Variants in RPP38 observed in about 807,000 individuals in gnomAD.
RPP38 encodes ribonuclease P protein subunit p38.
Under a neutral mutation model 1.7 loss-of-function variants are expected in RPP38, and 2 were observed. The observed-to-expected ratio is 1.18, with a 90% CI of 0.48 to 3.70. The LOEUF is 3.70. Among genes scored for constraint, RPP38 ranks in the 30% most tolerant of loss-of-function variants. The probability of loss-of-function intolerance (pLI) is 0.07; values close to 1 mark genes in which losing one functional copy is unlikely to be tolerated. For missense variants in RPP38, 358 were observed against 340.1 expected (o/e 1.05, Z -0.41); for synonymous variants, 151 against 131.8 (o/e 1.15, Z -1.00).
At chr10:15,099,610 C>G (rs916811285) in intron 1 of RPP38, among the ~76,000 whole-genome samples, 5 of 151,718 alleles carry the variant, frequency 3.3e-5, no homozygotes, top group Non-Finnish European at 7.4e-5. Flanking sequence ...ACCTAAGTAG[C>G]TGGGATTACA....
intron 1 of RPP38, among the ~76,000 whole-genome samples, chr10:15,098,717 C>T (rs1845024043): frequency 6.6e-6 from 1 of 151,004 alleles, no homozygotes; most frequent in Admixed American, 6.6e-5. Flanking sequence ...GAAACCCCGT[C>T]TCTACTAAAA....
Position 15,103,324 on chromosome 10 carries a change from G to A in RPP38, c.10G>A (p.Ala4Thr). 6.4e-7 allele frequency: 1 copy of A among 1,567,664 alleles called. No individual in the cohort carries two copies. The highest frequency in any genetic ancestry group is 8.6e-7 in the Non-Finnish European group (1 of 1,160,750). MAA[A>T]PQAPGRGSLR... ...TGGAAGGATTTTCAAAATGGCTGCAGCTCCTCAAGCACCGGGGCGGGGATC... is the reference window on the plus strand; with the variant it reads ...TGGAAGGATTTTCAAAATGGCTGCAACTCCTCAAGCACCGGGGCGGGGATC... The change falls in exon 3 of 3, where the codon GCT becomes ACT. Residue 4 changes from alanine (A) to threonine (T), a missense_variant. By Grantham distance (58) the Ala-to-Thr change is moderately conservative (BLOSUM62 0). Transcript: ENST00000378197.
rs1473316194 is a variant in RPP38 at position 15,103,616 on chromosome 10, T to C, written c.302T>C (p.Val101Ala). 14 of 1,614,108 alleles carry C rather than the reference T, an allele frequency of 8.7e-6. No individual in the cohort carries two copies. The East Asian group carries it at 2.0e-4, about 23-fold the overall frequency. ...AAGAAAACAGATGCTAAGCAGCAAG[T>C]GTCAGGGTGGACGCCTGCACACGTC... is the stretch of plus-strand genomic sequence containing the variant. The part of the protein sequence containing the change: ...KEKKTDAKQQ[V>A]SGWTPAHVRK... Residue 101 changes from valine to alanine, a missense_variant, in exon 3 of 3, where the codon GTG becomes GCG. Physicochemically the swap from Val to Ala is moderately conservative, Grantham distance 64 (BLOSUM62 0). Transcript: ENST00000378197.
Position 15,103,818 on chromosome 10 carries a change from C to A in RPP38, c.504C>A (p.Ile168=), listed in dbSNP as rs376150184. The change falls in exon 3 of 3, where the codon ATC becomes ATA. Residue 168 remains isoleucine (I), a synonymous_variant. Coordinates refer to ENST00000378197, the MANE Select transcript of RPP38 (RefSeq NM_183005.5). ...AGGTCCCCCGGCTCAGTGAGAGAAT[C>A]GCCCCCGTCATTGGCTTAAAATGTG... is the stretch of plus-strand genomic sequence containing the variant. The part of the protein sequence containing the change: ...ACQVPRLSER[I]APVIGLKCVL... 6.2e-7 allele frequency: 1 copy of A among 1,614,062 alleles called. No homozygotes were observed. The highest frequency in any genetic ancestry group is 1.3e-5 in the African/African-American group (1 of 75,026).
At chr10:15,100,390 T>C (rs1845075723) in intron 1 of RPP38, among the ~76,000 whole-genome samples, 1 of 152,118 alleles carries the variant, frequency 6.6e-6, no homozygotes, top group South Asian at 2.1e-4. Context: ...TTCTTCCTGA[T>C]TTCCTGAGCT....
At chr10:15,099,044 C>T (rs945349976) in intron 1 of RPP38, among the ~76,000 whole-genome samples, 5 of 135,470 alleles carry the variant, frequency 3.7e-5, no homozygotes, top group African/African-American at 1.4e-4. Flanking sequence ...ATTTTTTCCT[C>T]GTGGACTCTA....
At position 15,103,322 on chromosome 10, in the gene RPP38, C is replaced by T. The variant is rs746325635; in HGVS notation, c.8C>T (p.Ala3Val). 6.4e-7 allele frequency: 1 copy of T among 1,567,068 alleles called. No individual in the cohort carries two copies. The highest frequency in any genetic ancestry group is 1.2e-5 in the South Asian group (1 of 84,634). The part of the protein sequence containing the change: MA[A>V]APQAPGRGSL... ...CTTGGAAGGATTTTCAAAATGGCTG[C>T]AGCTCCTCAAGCACCGGGGCGGGGA... The change falls in exon 3 of 3, where the codon GCA (alanine) becomes GTA (valine). Residue 3 changes from alanine to valine, a missense_variant. Coordinates refer to ENST00000378197, the MANE Select transcript of RPP38 (RefSeq NM_183005.5).
chr10:15,098,840 T>C lies in RPP38; in HGVS notation c.-130+1074T>C, dbSNP rs1288679747. Among the ~76,000 whole-genome samples, 3 of 148,792 alleles carry C rather than the reference T, an allele frequency of 2.0e-5. No individual in the cohort carries two copies. In the Admixed American group the frequency reaches 2.0e-4, roughly 10 times the overall value. ...GGCGGAGGATGCAGTGAGCCGAGAT[T>C]GTGCCACTGCACTTCAGCCTGGCGA... On this transcript the variant is annotated intron_variant, in intron 1 of 2. Coordinates refer to ENST00000378197, the MANE Select transcript of RPP38 (RefSeq NM_183005.5).
rs2131410085 is a variant in RPP38 at position 15,097,355 on chromosome 10, G to A, written c.-541G>A. The A allele has an allele frequency of 6.6e-6, 1 of 152,408 alleles. No homozygotes were observed. The highest frequency in any genetic ancestry group is 1.9e-4 in the East Asian group (1 of 5,180). 9.4% of individuals were successfully genotyped at this position (152,408 alleles called of 1,614,324 possible). On this transcript the variant is annotated 5_prime_UTR_variant, in exon 1 of 3. Coordinates refer to ENST00000378197, the MANE Select transcript of RPP38 (RefSeq NM_183005.5). ...TGCGCACGCGCGGCGCAGGCGCACT[G>A]GGCGCCGGTGCTGTTGCCTTCAGGT...
chr10:15,102,634 A>G (rs1845138865), intron 2 of RPP38: 1 of 152,210 alleles, frequency 6.6e-6, no homozygotes, highest in Non-Finnish European at 1.5e-5. Flanking sequence ...GAAATAGACA[A>G]ATGGAATTGT....
intron 1 of RPP38, 103 bp downstream of exon 1, chr10:15,097,869 C>T (rs1844987190): frequency 1.3e-5 from 2 of 152,382 alleles, no homozygotes; most frequent in East Asian, 3.9e-4. Flanking sequence ...ACCACCAATA[C>T]CGTTCTCAAC....
At chr10:15,099,914 G>C (rs932599736) in intron 1 of RPP38, among the ~76,000 whole-genome samples, 1 of 152,168 alleles carries the variant, frequency 6.6e-6, no homozygotes, top group Non-Finnish European at 1.5e-5. Context: ...AGCCATGATC[G>C]AACGACTGCA....
intron 1 of RPP38, among the ~76,000 whole-genome samples, chr10:15,101,106 C>G (rs943606343): frequency 6.6e-6 from 1 of 152,202 alleles, no homozygotes; most frequent in Non-Finnish European, 1.5e-5. Flanking sequence ...TGAGGTGTAG[C>G]AAGGATTGAA....
rs997367561 is a variant in RPP38, at chr10:15,097,372, C to T, written c.-524C>T. 10 of 152,292 alleles carry T rather than the reference C, an allele frequency of 6.6e-5. No homozygotes were observed. Among genetic ancestry groups the T allele is most frequent in the African/African-American group, 2.4e-4 (10 of 41,468 alleles). 9.4% of individuals were successfully genotyped at this position (152,292 alleles called of 1,614,324 possible). On this transcript the variant is annotated 5_prime_UTR_variant, in exon 1 of 3. Transcript: ENST00000378197. ...GGCGCACTGGGCGCCGGTGCTGTTG[C>T]CTTCAGGTGACCACGGATTCGCCAT...
chr10:15,103,625 G>A lies in RPP38; in HGVS notation c.311G>A (p.Trp104Ter), dbSNP rs1456809892. ...KTDAKQQVSG[W>*]TPAHVRKQLA... ...GATGCTAAGCAGCAAGTGTCAGGGT[G>A]GACGCCTGCACACGTCAGGAAGCAG... Residue 104 changes from tryptophan (W) to a stop codon, truncating the protein, a stop_gained, in exon 3 of 3, where the codon TGG (tryptophan) becomes TAG (stop). Transcript: ENST00000378197. LOFTEE classifies it low-confidence loss of function (END_TRUNC). 1 of 1,614,000 alleles carries A rather than the reference G, an allele frequency of 6.2e-7. No individual in the cohort carries two copies. Among genetic ancestry groups the A allele is most frequent in the East Asian group, 2.2e-5 (1 of 44,896 alleles).
chr10:15,104,186 G>A lies in RPP38; in HGVS notation c.*20G>A. ...AAGTAATCTTGCATAAACTTGTCAT[G>A]TCATACAGTTTGTGAAAGGACACCT... On this transcript the variant is annotated 3_prime_UTR_variant, in exon 3 of 3. Transcript: ENST00000378197. 6.5e-7 allele frequency: 1 copy of A among 1,544,714 alleles called. No homozygotes were observed. Among genetic ancestry groups the A allele is most frequent in the Non-Finnish European group, 8.7e-7 (1 of 1,151,606 alleles).
At position 15,104,198 on chromosome 10, in the gene RPP38, G is replaced by A; in HGVS notation, c.*32G>A. Reference sequence around the variant, plus strand: ...ATAAACTTGTCATGTCATACAGTTTGTGAAAGGACACCTTGTAAAGAAGCC... The same window carrying A: ...ATAAACTTGTCATGTCATACAGTTTATGAAAGGACACCTTGTAAAGAAGCC... On this transcript the variant is annotated 3_prime_UTR_variant, in exon 3 of 3. Coordinates refer to ENST00000378197, the MANE Select transcript of RPP38 (RefSeq NM_183005.5). The A allele has an allele frequency of 6.5e-7, 1 of 1,534,014 alleles. No homozygotes were observed. The highest frequency in any genetic ancestry group is 8.7e-7 in the Non-Finnish European group (1 of 1,145,848).
intron 1 of RPP38, among the ~76,000 whole-genome samples, chr10:15,098,236 T>TG (rs1409405330): frequency 6.9e-6 from 1 of 145,018 alleles, no homozygotes; most frequent in Admixed American, 6.8e-5. Context: ...GTTTTTTTTT[T>TG]TTTTTTTTTT....
intron 1 of RPP38, among the ~76,000 whole-genome samples, chr10:15,099,422 A>G (rs1000201203): frequency 6.6e-6 from 1 of 151,678 alleles, no homozygotes; most frequent in African/African-American, 2.4e-5. Flanking sequence ...GCCTGAGCCT[A>G]GGAGTTGAAG....
Sources: allele counts gnomAD v4.1 joint callset (sites outside exome capture counted in the v4.1 genomes callset), GRCh38; gene constraint gnomAD v4.1.1; transcripts MANE v1.5; gene names NCBI Gene and HGNC (gene_info 2026-07-23, HGNC 2026-07-21).